LACTB: variants seen among roughly 807,000 people sequenced by gnomAD.
LACTB encodes the protein serine beta-lactamase-like protein LACTB, mitochondrial.
In LACTB, 35 loss-of-function variants were observed where a neutral mutation model predicts 50.2. The ratio of observed to expected loss-of-function variants is 0.70; its 90% confidence interval spans 0.53 to 0.92. The LOEUF (loss-of-function observed/expected upper bound fraction) is 0.92. Ranked by LOEUF, LACTB falls within the 40% of genes least tolerant of loss-of-function variation. The probability of loss-of-function intolerance (pLI) is 0.00; values close to 1 mark genes in which losing one functional copy is unlikely to be tolerated. For missense variants in LACTB, 664 were observed against 691.8 expected (o/e 0.96, Z 0.45); for synonymous variants, 252 against 268.2 (o/e 0.94, Z 0.59).
intron 4 of LACTB, among the ~76,000 whole-genome samples, chr15:63,128,741 T>TTTTA (rs1274844419): frequency 6.6e-6 from 1 of 152,082 alleles, no homozygotes; most frequent in Non-Finnish European, 1.5e-5. Context: ...TTTTATTTTA[T>TTTTA]TTTATTTATT....
At chr15:63,125,137 A>G (rs763990802) in intron 2 of LACTB, among the ~76,000 whole-genome samples, 33 of 151,638 alleles carry the variant, frequency 2.2e-4, no homozygotes, top group Non-Finnish European at 3.8e-4. Context: ...CTTAGGCACC[A>G]TAGCGACACC....
chr15:63,139,760 G>A (rs1393369329), intron 5 of LACTB, among the ~76,000 whole-genome samples: 3 of 152,154 alleles, frequency 2.0e-5, no homozygotes. Context: ...ACTGCAGCCT[G>A]GTCAACAGAG....
intron 5 of LACTB, among the ~76,000 whole-genome samples, chr15:63,133,082 G>A (rs1193501681): frequency 6.6e-6 from 1 of 152,118 alleles, no homozygotes; most frequent in Non-Finnish European, 1.5e-5. Flanking sequence ...AATTGCTTAA[G>A]CAGACTTTAA....
chr15:63,139,889 G>A (rs1250027373), intron 5 of LACTB, among the ~76,000 whole-genome samples: 6 of 151,212 alleles, frequency 4.0e-5, no homozygotes, highest in African/African-American at 1.2e-4. Flanking sequence ...CTTGAGGCCA[G>A]GAGTTCGAGA....
intron 5 of LACTB, among the ~76,000 whole-genome samples, chr15:63,137,042 T>C (rs2141077354): frequency 6.6e-6 from 1 of 152,330 alleles, no homozygotes; most frequent in East Asian, 1.9e-4. Context: ...ATTCTTTTGC[T>C]CAGATTTGAG....
chr15:63,141,169 G>T, intron 5 of LACTB, 111 bp from the exon 6 acceptor site: 1 of 1,447,778 alleles, frequency 6.9e-7, no homozygotes, highest in Non-Finnish European at 9.1e-7. Context: ...TTCTGAGAAT[G>T]TATGATCATT....
rs1419045863 is a variant in LACTB at position 63,126,896 on chromosome 15, T to G, written c.462T>G (p.Cys154Trp). 2 of 1,611,736 alleles carry G rather than the reference T, an allele frequency of 1.2e-6. No homozygotes were observed. Among genetic ancestry groups the G allele is most frequent in the Non-Finnish European group, 1.7e-6 (2 of 1,178,682 alleles). Reference protein sequence around the residue: ...GYADVENRVPCKPETVMRIAS... With the variant: ...GYADVENRVPWKPETVMRIAS... ...CTGATGTTGAGAACCGTGTACCATG[T>G]AAACCAGAGACAGTTATGCGAATTG... Residue 154 changes from cysteine (C) to tryptophan (W), a missense_variant, in exon 3 of 6, where the codon TGT becomes TGG. By Grantham distance (215) the Cys-to-Trp change is radical. Coordinates refer to ENST00000261893, the MANE Select transcript of LACTB (RefSeq NM_032857.5).
intron 2 of LACTB, 57 bp downstream of exon 2, chr15:63,122,759 T>C (rs1330601540): frequency 8.1e-7 from 1 of 1,235,870 alleles, no homozygotes; most frequent in Non-Finnish European, 1.2e-6. Context: ...AAATATTGTT[T>C]TACTGGTTAG....
At chr15:63,139,583 G>A (rs376364341) in intron 5 of LACTB, among the ~76,000 whole-genome samples, 6 of 152,084 alleles carry the variant, frequency 3.9e-5, no homozygotes, top group South Asian at 4.2e-4. Flanking sequence ...AACCCGGGAA[G>A]TGGAGGTTGC....
chr15:63,136,147 T>G (rs2037174447), intron 5 of LACTB, among the ~76,000 whole-genome samples: 1 of 151,720 alleles, frequency 6.6e-6, no homozygotes, highest in Non-Finnish European at 1.5e-5. Flanking sequence ...GCTCAAGTGA[T>G]CCTCCTGTAT....
In LACTB at chr15:63,127,663, A is replaced by C; in HGVS notation, c.926A>C (p.Lys309Thr). The C allele has an allele frequency of 6.3e-7, 1 of 1,597,388 alleles. No individual in the cohort carries two copies. The highest frequency in any genetic ancestry group is 8.6e-7 in the Non-Finnish European group (1 of 1,168,764). The change falls in exon 4 of 6, where the codon AAA becomes ACA. Residue 309 changes from lysine to threonine, a missense_variant. Lys to Thr is a moderately conservative substitution (Grantham distance 78). Transcript: ENST00000261893. ...TCAATTGAATCCCTAAGATTATTTA[A>C]AAATGATCCTTTGTTCTTCAAACCT... ...ENSIESLRLF[K>T]NDPLFFKPGS... is the part of the protein sequence containing the mutation.
At chr15:63,128,790 C>T (rs2037091026) in intron 4 of LACTB, among the ~76,000 whole-genome samples, 2 of 152,088 alleles carry the variant, frequency 1.3e-5, no homozygotes, top group South Asian at 4.1e-4. Flanking sequence ...GTCACCCAGG[C>T]TGGAGTACAG....
intron 2 of LACTB, among the ~76,000 whole-genome samples, chr15:63,123,653 C>T (rs1305320051): frequency 6.6e-6 from 1 of 152,176 alleles, no homozygotes; most frequent in Non-Finnish European, 1.5e-5. Flanking sequence ...GGGTCATCTC[C>T]AATGATAGGT....
chr15:63,122,002 T>C lies in LACTB; in HGVS notation c.131T>C (p.Leu44Pro). 1 of 1,368,050 alleles carries C rather than the reference T, an allele frequency of 7.3e-7. No individual in the cohort carries two copies. The highest frequency in any genetic ancestry group is 9.4e-7 in the Non-Finnish European group (1 of 1,069,164). The allele number at this position is 1,368,050 out of a possible 1,614,324, so 84.7% of individuals were successfully genotyped here. The change falls in exon 1 of 6, where the codon CTC becomes CCC. Residue 44 changes from leucine to proline, a missense_variant. Transcript: ENST00000261893. ...PPLGHGWVGG[L>P]GLGLGLALGV... ...CTCGGCCACGGCTGGGTCGGGGGCC[T>C]CGGGCTGGGGCTGGGGCTGGCGCTC...
At chr15:63,122,941 G>T (rs1032224058) in intron 2 of LACTB, among the ~76,000 whole-genome samples, 4 of 152,150 alleles carry the variant, frequency 2.6e-5, no homozygotes, top group African/African-American at 9.7e-5. Context: ...CTTAGGACTG[G>T]ATTTATTAGT....
At chr15:63,122,608 C>T (rs748698530) in intron 1 of LACTB, 28 bp from the exon 2 acceptor site, 19 of 1,582,530 alleles carry the variant, frequency 1.2e-5, no homozygotes, top group East Asian at 2.2e-5. Context: ...AGGCCCGTAA[C>T]TGTCGGTTCT....
intron 5 of LACTB, among the ~76,000 whole-genome samples, chr15:63,136,018 G>T (rs1595717706): frequency 6.6e-6 from 1 of 150,826 alleles, no homozygotes; most frequent in East Asian, 2.0e-4. Flanking sequence ...GCCATATGAT[G>T]GTGAGTCAAT....
intron 4 of LACTB, among the ~76,000 whole-genome samples, chr15:63,128,818 A>G (rs942051087): frequency 1.3e-5 from 2 of 152,084 alleles, no homozygotes; most frequent in African/African-American, 4.8e-5. Flanking sequence ...ATCTCAGCTC[A>G]CTGCAAACTC....
At chr15:63,129,399 C>T (rs2037098608) in intron 4 of LACTB, 86 bp from the exon 5 acceptor site, 1 of 1,207,490 alleles carries the variant, frequency 8.3e-7, no homozygotes. Context: ...TAAAAGTATG[C>T]CAATTTTCAG....
Sources: allele counts gnomAD v4.1 joint callset (sites outside exome capture counted in the v4.1 genomes callset), GRCh38; gene constraint gnomAD v4.1.1; transcripts MANE v1.5; gene names NCBI Gene and HGNC (gene_info 2026-07-23, HGNC 2026-07-21).